The following ARHGAP24 variants were observed in gnomAD, a reference collection of about 807,000 sequenced individuals.
The protein encoded by ARHGAP24 is Rho GTPase activating protein 24, also known as rho GTPase-activating protein 24.
A neutral mutation model predicts 76.4 loss-of-function variants in ARHGAP24; 50 were observed. That is an observed-to-expected ratio of 0.65 (90% confidence interval 0.52 to 0.83). ARHGAP24 has a LOEUF of 0.83. Ranked by LOEUF, ARHGAP24 falls within the 40% of genes least tolerant of loss-of-function variation. The pLI is 0.00. For missense variants in ARHGAP24, 930 were observed against 914.2 expected (o/e 1.02, Z -0.22); for synonymous variants, 345 against 323.3 (o/e 1.07, Z -0.72).
intron 3 of ARHGAP24, among the ~76,000 whole-genome samples, chr4:85,795,273 T>C (rs991958741): frequency 6.6e-6 from 1 of 152,248 alleles, no homozygotes; most frequent in Non-Finnish European, 1.5e-5. Flanking sequence ...AATAATCTAA[T>C]GGCCTTTTCT....
chr4:85,747,596 G>A (rs1223744630), intron 3 of ARHGAP24, among the ~76,000 whole-genome samples: 2 of 151,944 alleles, frequency 1.3e-5, no homozygotes, highest in Non-Finnish European at 2.9e-5. Flanking sequence ...CCAGCTACTC[G>A]GGAGGCTGAG....
rs181596277 is a variant in ARHGAP24 at position 85,999,363 on chromosome 4, T to A, written c.2004-1116T>A. The stretch of plus-strand genomic sequence containing the variant: ...TTACAAAATATGAAGTATTATTTTT[T>A]AAAATTCTAGTTGCTTACAAAGAGA... On this transcript the variant is annotated intron_variant, in intron 9 of 9. Transcript: ENST00000395184. 7.4e-3 allele frequency among the ~76,000 whole-genome samples: 1,130 copies of A among 152,376 alleles called. 4 individuals are homozygous for A. Among genetic ancestry groups the A allele is most frequent in the Non-Finnish European group, 0.011 (781 of 68,034 alleles).
intron 3 of ARHGAP24, among the ~76,000 whole-genome samples, chr4:85,902,065 A>T (rs796510091): frequency 9.2e-5 from 14 of 152,246 alleles, no homozygotes; most frequent in African/African-American, 3.4e-4. Context: ...TATGAGTGAG[A>T]ACATGCAGTG....
At chr4:85,889,302 G>A (rs1733748053) in intron 3 of ARHGAP24, among the ~76,000 whole-genome samples, 1 of 152,196 alleles carries the variant, frequency 6.6e-6, no homozygotes, top group Admixed American at 6.5e-5. Flanking sequence ...AAGATAGAGA[G>A]AGAGGCAGAA....
chr4:85,923,777 G>A lies in ARHGAP24; in HGVS notation c.391+7G>A, dbSNP rs762016721. ...TGGGGACCTTTCGGAGGAGGTGAGT[G>A]TACTTTAAAATCATGGAAAAACAGA... On this transcript the variant is annotated splice_region_variant and intron_variant, in intron 4 of 9. Transcript: ENST00000395184. 2 of 1,613,876 alleles carry A rather than the reference G, an allele frequency of 1.2e-6. No individual in the cohort carries two copies. Among genetic ancestry groups the A allele is most frequent in the Non-Finnish European group, 1.7e-6 (2 of 1,179,862 alleles).
At chr4:85,503,808 T>G (rs1723923429) in intron 1 of ARHGAP24, among the ~76,000 whole-genome samples, 1 of 152,226 alleles carries the variant, frequency 6.6e-6, no homozygotes. Context: ...ATTGTGATGT[T>G]AGGGTGTCAA....
At chr4:85,765,101 T>G (rs922765188) in intron 3 of ARHGAP24, among the ~76,000 whole-genome samples, 1 of 152,182 alleles carries the variant, frequency 6.6e-6, no homozygotes, top group Non-Finnish European at 1.5e-5. Flanking sequence ...AATCAAACTT[T>G]ACATTTTAAT....
At chr4:85,938,785 T>TG (rs1038279223) in intron 4 of ARHGAP24, among the ~76,000 whole-genome samples, 11 of 152,248 alleles carry the variant, frequency 7.2e-5, no homozygotes, top group African/African-American at 2.6e-4. Flanking sequence ...GAAATTGCTT[T>TG]GGGGGGCAGC....
At chr4:85,618,543 T>C (rs1243310673) in intron 2 of ARHGAP24, among the ~76,000 whole-genome samples, 1 of 152,142 alleles carries the variant, frequency 6.6e-6, no homozygotes, top group Non-Finnish European at 1.5e-5. Context: ...TTTTTAGTTT[T>C]TTGAGGAACT....
At chr4:85,721,490 A>G (rs1724936613) in intron 2 of ARHGAP24, among the ~76,000 whole-genome samples, 1 of 152,168 alleles carries the variant, frequency 6.6e-6, no homozygotes, top group African/African-American at 2.4e-5. Flanking sequence ...TATCACAACT[A>G]TGTCTAAGTC....
At chr4:85,742,583 G>A (rs1030474886) in intron 3 of ARHGAP24, among the ~76,000 whole-genome samples, 8 of 152,208 alleles carry the variant, frequency 5.3e-5, no homozygotes, top group Non-Finnish European at 1.0e-4. Context: ...AGATAAGAAG[G>A]TGTTAGGTCA....
chr4:85,918,869 C>A (rs1054007312), intron 3 of ARHGAP24, among the ~76,000 whole-genome samples: 2 of 152,150 alleles, frequency 1.3e-5, no homozygotes, highest in East Asian at 3.9e-4. Flanking sequence ...AGCATTGCTA[C>A]CAACAAGAGT....
At chr4:85,703,837 T>A (rs1377116535) in intron 2 of ARHGAP24, among the ~76,000 whole-genome samples, 1 of 152,102 alleles carries the variant, frequency 6.6e-6, no homozygotes, top group Non-Finnish European at 1.5e-5. Context: ...TTTATTGAGG[T>A]ATAATTTACA....
chr4:85,668,713 C>T (rs543541194), intron 2 of ARHGAP24, among the ~76,000 whole-genome samples: 14 of 152,170 alleles, frequency 9.2e-5, no homozygotes, highest in Admixed American at 7.2e-4. Flanking sequence ...GGTATGCAGG[C>T]GGTTCTTCAT....
intron 3 of ARHGAP24, among the ~76,000 whole-genome samples, chr4:85,796,363 G>A (rs2110099836): frequency 6.6e-6 from 1 of 152,104 alleles, no homozygotes; most frequent in African/African-American, 2.4e-5. Context: ...AAAATATGGG[G>A]CTTTCTAAAA....
intron 2 of ARHGAP24, among the ~76,000 whole-genome samples, chr4:85,710,974 A>G (rs1241009236): frequency 1.3e-5 from 2 of 152,354 alleles, no homozygotes; most frequent in East Asian, 1.9e-4. Flanking sequence ...AGCACTACTC[A>G]CAATAGCAAA....
At chr4:85,701,906 T>C (rs192721744) in intron 2 of ARHGAP24, among the ~76,000 whole-genome samples, 1 of 152,284 alleles carries the variant, frequency 6.6e-6, no homozygotes, top group African/African-American at 2.4e-5. Flanking sequence ...ATCCAAACCA[T>C]CTGCAATGTG....
chr4:85,900,722 G>T (rs555102862), intron 3 of ARHGAP24, among the ~76,000 whole-genome samples: 23 of 152,084 alleles, frequency 1.5e-4, no homozygotes, highest in Non-Finnish European at 2.5e-4. Context: ...CACTGCGCCC[G>T]GCTGGGAAGA....
At chr4:85,822,583 A>G (rs1170738783) in intron 3 of ARHGAP24, among the ~76,000 whole-genome samples, 2 of 152,200 alleles carry the variant, frequency 1.3e-5, no homozygotes, top group Admixed American at 1.3e-4. Context: ...TGTTGCTGTT[A>G]CAGAGGAGAT....
Sources: gnomAD v4.1 joint callset for allele counts (sites outside exome capture counted in the v4.1 genomes callset) on GRCh38, gnomAD v4.1.1 for gene constraint, MANE v1.5 for transcripts, NCBI Gene and HGNC (gene_info 2026-07-23, HGNC 2026-07-21) for gene names.